The following SEM1 variants were observed in gnomAD, a reference collection of about 807,000 sequenced individuals.
SEM1 encodes the protein SEM1 26S proteasome subunit, also known as 26S proteasome complex subunit SEM1.
In SEM1, 3 loss-of-function variants were observed where a neutral mutation model predicts 12.7. The ratio of observed to expected loss-of-function variants is 0.24; its 90% CI spans 0.11 to 0.61. The LOEUF is 0.61. SEM1 is among the 20% of genes least tolerant of loss of function. The pLI is 0.88. For synonymous variants in SEM1, 30 were observed against 27.8 expected, an observed-to-expected ratio of 1.08 and a Z score of -0.25; for missense variants, 59 against 81.3, an observed-to-expected ratio of 0.73 and a Z score of 1.06.
chr7:96,587,083 T>TA (rs35880308), intron 2 of SEM1, among the ~76,000 whole-genome samples: 50,246 of 151,982 alleles, frequency 0.33, 10,423 homozygotes, highest in East Asian at 0.67. Flanking sequence ...CAGGTGGTCT[T>TA]AAAAAAACAA....
intron 2 of SEM1, among the ~76,000 whole-genome samples, chr7:96,553,321 G>A (rs1805358734): frequency 6.6e-6 from 1 of 151,568 alleles, no homozygotes; most frequent in African/African-American, 2.4e-5. Context: ...GGTTTTTATG[G>A]TTTTAGGTCT....
chr7:96,610,395 G>A (rs1038391916), intron 2 of SEM1, among the ~76,000 whole-genome samples: 3 of 146,212 alleles, frequency 2.1e-5, no homozygotes, highest in Admixed American at 6.7e-5. Context: ...CACCAAGCCC[G>A]GGCTCCAGCA....
Position 96,487,107 on chromosome 7 carries a change from C to T in SEM1, c.13-690G>A, listed in dbSNP as rs1043355885. On this transcript the variant is annotated intron_variant, in intron 1 of 3. Transcript: ENST00000356686. ...ACAACATGCATCTGCACAACCTATTCTAGATTATAGGGCTGGGACTAGGGA... is the reference window on the plus strand; with the variant it reads ...ACAACATGCATCTGCACAACCTATTTTAGATTATAGGGCTGGGACTAGGGA... Among the ~76,000 whole-genome samples the T allele has an allele frequency of 2.1e-5, 3 of 140,194 alleles. 1 individual carries two copies. Among genetic ancestry groups the T allele is most frequent in the Admixed American group, 6.7e-5 (1 of 14,854 alleles). 92.0% of individuals were successfully genotyped at this position (140,194 alleles called of 152,430 possible).
intron 2 of SEM1, among the ~76,000 whole-genome samples, chr7:96,578,430 GATA>G (rs1427157402): frequency 6.6e-5 from 10 of 152,176 alleles, no homozygotes; most frequent in African/African-American, 2.4e-4. Context: ...CAGAAGATGG[GATA>G]ATATCTTCAA....
chr7:96,693,983 G>C (rs1248783554), intron 2 of SEM1, among the ~76,000 whole-genome samples: 1 of 151,838 alleles, frequency 6.6e-6, no homozygotes, highest in Non-Finnish European at 1.5e-5. Flanking sequence ...ATACAATATG[G>C]AACATGTATA....
At chr7:96,659,051 C>A (rs1211221922) in intron 2 of SEM1, among the ~76,000 whole-genome samples, 1 of 152,130 alleles carries the variant, frequency 6.6e-6, no homozygotes, top group African/African-American at 2.4e-5. Flanking sequence ...ATGTCCATAC[C>A]TGCAGAGGTG....
intron 2 of SEM1, among the ~76,000 whole-genome samples, chr7:96,522,298 A>C (rs1428102402): frequency 6.6e-6 from 1 of 152,090 alleles, no homozygotes; most frequent in Non-Finnish European, 1.5e-5. Flanking sequence ...GGTGCTGAGG[A>C]ATTAAAATAT....
intron 2 of SEM1, among the ~76,000 whole-genome samples, chr7:96,568,218 A>T (rs775477714): frequency 1.4e-5 from 2 of 147,478 alleles, no homozygotes; most frequent in African/African-American, 2.5e-5. Context: ...TGGTGATTTA[A>T]GTTTCTAGAA....
chr7:96,650,369 C>T (rs912144303), intron 2 of SEM1: 1 of 588,406 alleles, frequency 1.7e-6, no homozygotes, highest in Non-Finnish European at 3.0e-6. Flanking sequence ...GATTTCATCT[C>T]TGAAAGGGAA....
intron 1 of SEM1, among the ~76,000 whole-genome samples, chr7:96,699,434 C>T (rs1484741983): frequency 6.6e-6 from 1 of 152,102 alleles, no homozygotes; most frequent in Non-Finnish European, 1.5e-5. Flanking sequence ...CTGTCATAAG[C>T]AAAACAAACA....
chr7:96,669,880 G>A (rs1020634256), downstream of SEM1, among the ~76,000 whole-genome samples: 17 of 152,104 alleles, frequency 1.1e-4, no homozygotes, highest in Admixed American at 6.6e-4. Context: ...ATCACTATTT[G>A]TTGACACAGG....
rs545293285 is a variant in SEM1, at chr7:96,641,527, C to G, written c.171-18884G>C. 2.6e-5 allele frequency among the ~76,000 whole-genome samples: 4 copies of G among 152,116 alleles called. No homozygotes were observed. In the South Asian group the frequency reaches 8.3e-4, roughly 32 times the overall value. On this transcript the variant is annotated intron_variant, in intron 2 of 2. Transcript: ENST00000417009. The stretch of plus-strand genomic sequence containing the variant: ...ATATACCCTTCTTTACATCTGTCTT[C>G]TCCAGTTTTTAGAGAAGGTACATTT...
chr7:96,554,702 T>C (rs1038131642), intron 2 of SEM1, among the ~76,000 whole-genome samples: 2 of 151,284 alleles, frequency 1.3e-5, no homozygotes, highest in Non-Finnish European at 1.5e-5. Flanking sequence ...AGAATGATGC[T>C]GGCCTCATAA....
chr7:96,499,617 C>T (rs940340844), upstream of SEM1, among the ~76,000 whole-genome samples: 1 of 152,180 alleles, frequency 6.6e-6, no homozygotes, highest in Non-Finnish European at 1.5e-5. Flanking sequence ...TGATGCTATC[C>T]TCATTGTCTA....
intron 2 of SEM1, among the ~76,000 whole-genome samples, chr7:96,585,220 A>T (rs1428550080): frequency 1.3e-5 from 2 of 151,948 alleles, no homozygotes; most frequent in Non-Finnish European, 2.9e-5. Flanking sequence ...CTGTTGGAAT[A>T]CCCTGCCGTG....
chr7:96,708,955 T>A (rs1213177377), intron 1 of SEM1, among the ~76,000 whole-genome samples: 2 of 151,012 alleles, frequency 1.3e-5, no homozygotes, highest in African/African-American at 4.8e-5. Context: ...AAAAAAAAAA[T>A]GTGTAAGGTT....
intron 2 of SEM1, among the ~76,000 whole-genome samples, chr7:96,527,560 A>C (rs575527429): frequency 2.0e-5 from 3 of 152,260 alleles, no homozygotes; most frequent in Non-Finnish European, 4.4e-5. Flanking sequence ...AGAATCACAG[A>C]GTGAGAAATG....
At chr7:96,535,204 TAA>T in intron 2 of SEM1, among the ~76,000 whole-genome samples, 1 of 151,978 alleles carries the variant, frequency 6.6e-6, no homozygotes, top group Middle Eastern at 3.2e-3. Flanking sequence ...TCTGTAAAGT[TAA>T]ATTTGTAAAA....
chr7:96,668,092 C>T lies in SEM1; in HGVS notation c.170+26706G>A, dbSNP rs1178052834. ...AAAGAAACAACTTGAAAGTTGAATT[C>T]CTATAGGTGATAAAAGTGATAGGCA... On this transcript the variant is annotated intron_variant, in intron 2 of 2. Transcript: ENST00000417009. Among the ~76,000 whole-genome samples, 3 of 152,148 alleles carry T rather than the reference C, an allele frequency of 2.0e-5. No homozygotes were observed. The East Asian group carries it at 5.8e-4, about 29-fold the overall frequency.
Sources: allele counts gnomAD v4.1 joint callset (sites outside exome capture counted in the v4.1 genomes callset), GRCh38; gene constraint gnomAD v4.1.1; transcripts MANE v1.5; gene names NCBI Gene and HGNC (gene_info 2026-07-23, HGNC 2026-07-21).